The following WNK2 variants were observed in gnomAD, a reference collection of about 807,000 sequenced individuals.
WNK2 encodes serine/threonine-protein kinase WNK2.
Under a neutral mutation model 192.1 loss-of-function variants are expected in WNK2, and 67 were observed. The ratio of observed to expected loss-of-function variants is 0.35; its 90% CI spans 0.29 to 0.43. The LOEUF is 0.43. Among genes scored for constraint, WNK2 ranks in the 20% least tolerant of loss-of-function variants. The pLI, the probability that WNK2 is intolerant of heterozygous loss-of-function variation, is 1.00. For synonymous variants in WNK2, 1,439 were observed against 1,393.9 expected (o/e 1.03, Z -0.72); for missense variants, 2,698 against 3,089.7 (o/e 0.87, Z 3.01).
intron 7 of WNK2, among the ~76,000 whole-genome samples, chr9:93,241,674 T>G (rs994614236): frequency 1.3e-5 from 2 of 152,154 alleles, no homozygotes; most frequent in Non-Finnish European, 2.9e-5. Context: ...TGGAAGGTGC[T>G]TGGGCCCTTG....
Position 93,261,950 on chromosome 9 carries a change from A to G in WNK2, c.3203A>G (p.Gln1068Arg). The G allele has an allele frequency of 1.9e-6, 3 of 1,611,388 alleles. No homozygotes were observed. In the East Asian group the frequency reaches 6.7e-5, roughly 36 times the overall value. Reference sequence around the variant, plus strand: ...CCTGCCGCCCCTGAGCTCCTGCCTCAGTTCCCCAGCTCCCTGGCCACGGTG... The same window carrying G: ...CCTGCCGCCCCTGAGCTCCTGCCTCGGTTCCCCAGCTCCCTGGCCACGGTG... ...LLPAAPELLPQFPSSLATVSA... is the reference protein window; with the variant it reads ...LLPAAPELLPRFPSSLATVSA... The change falls in exon 13 of 30, where the codon CAG (glutamine) becomes CGG (arginine). Residue 1068 changes from glutamine to arginine, a missense_variant. Physicochemically the swap from Gln to Arg is conservative, Grantham distance 43. Around this residue, in one of 7 missense-constraint regions of WNK2, gnomAD observed 893 missense variants for 909.0 expected, o/e 0.98. Transcript: ENST00000427277.
At position 93,308,731 on chromosome 9, in the gene WNK2, T is replaced by C; in HGVS notation, c.6516+147T>C. 2.9e-6 allele frequency: 4 copies of C among 1,384,426 alleles called. No homozygotes were observed. In the South Asian group the frequency reaches 6.0e-5, roughly 21 times the overall value. 85.8% of individuals were successfully genotyped at this position (1,384,426 alleles called of 1,614,324 possible). ...TCATTCTCCCCACAGCCCCAAGAAC[T>C]AGGCTTGTCCACTTTACAGATTGGG... On this transcript the variant is annotated intron_variant, in intron 28 of 29. Coordinates refer to ENST00000427277, the MANE Select transcript of WNK2 (RefSeq NM_006648.4).
intron 16 of WNK2, among the ~76,000 whole-genome samples, 175 bp from the exon 17 acceptor site, chr9:93,267,571 C>T (rs868228939): frequency 6.6e-6 from 1 of 152,218 alleles, no homozygotes; most frequent in Non-Finnish European, 1.5e-5. Flanking sequence ...CTCCTCCCAT[C>T]CTGGGGCCAT....
chr9:93,262,853 A>C (rs990352577), intron 14 of WNK2, 134 bp downstream of exon 14: 1 of 964,734 alleles, frequency 1.0e-6, no homozygotes, highest in African/African-American at 1.6e-5. Context: ...GGGTTTTTCA[A>C]ACCTGACCTG....
intron 7 of WNK2, among the ~76,000 whole-genome samples, chr9:93,246,723 G>C (rs890164576): frequency 6.6e-6 from 1 of 152,200 alleles, no homozygotes; most frequent in Non-Finnish European, 1.5e-5. Flanking sequence ...CCTCTTGCAC[G>C]GGCACCTCCG....
At position 93,253,036 on chromosome 9, in the gene WNK2, C is replaced by A. The variant is rs774973233; in HGVS notation, c.1988C>A (p.Pro663Gln). 5 of 1,538,152 alleles carry A rather than the reference C, an allele frequency of 3.3e-6. No individual in the cohort carries two copies. Among genetic ancestry groups the A allele is most frequent in the Non-Finnish European group, 4.4e-6 (5 of 1,143,650 alleles). Residue 663 changes from proline (P) to glutamine (Q), a missense_variant, in exon 9 of 30, where the codon CCG becomes CAG. Around this residue, in one of 7 missense-constraint regions of WNK2, gnomAD observed 893 missense variants for 909.0 expected, o/e 0.98. Coordinates refer to ENST00000427277, the MANE Select transcript of WNK2 (RefSeq NM_006648.4). Reference protein sequence around the residue: ...SPPVSEGPVLPQSLPSLGAYQ... With the variant: ...SPPVSEGPVLQQSLPSLGAYQ... ...CCTGTGAGCGAGGGGCCCGTCCTGC[C>A]GCAGAGCCTGCCCTCGCTGGGGGCC... is the stretch of plus-strand genomic sequence containing the variant.
rs752695772 is a variant in WNK2, at chr9:93,239,685, G to A, written c.1323-72G>A. On this transcript the variant is annotated intron_variant, in intron 6 of 29. Transcript: ENST00000427277. This position sits in a 1 kb window ranked among gnomAD's most constrained non-coding sequence, Gnocchi z 4.2. ...GGTGTGCCTGTCCTTGTCCTGGTGC[G>A]CATGGACACAGGAGCCTGGGCATGG... The A allele has an allele frequency of 5.1e-6, 7 of 1,361,812 alleles. No individual in the cohort carries two copies. The highest frequency in any genetic ancestry group is 5.0e-5 in the East Asian group (2 of 39,694). 84.4% of individuals were successfully genotyped at this position (1,361,812 alleles called of 1,614,324 possible).
At chr9:93,264,987 C>T (rs995835755) in intron 16 of WNK2, among the ~76,000 whole-genome samples, 2 of 152,252 alleles carry the variant, frequency 1.3e-5, no homozygotes, top group Admixed American at 6.5e-5. Flanking sequence ...GTGAAAGCCT[C>T]ATGTGGGCTT....
At chr9:93,250,414 CAT>C (rs1382271912) in intron 8 of WNK2, among the ~76,000 whole-genome samples, 1 of 152,272 alleles carries the variant, frequency 6.6e-6, no homozygotes, top group Non-Finnish European at 1.5e-5. Flanking sequence ...CTGACATCCA[CAT>C]GTGTGCACAC....
chr9:93,257,296 G>A lies in WNK2; in HGVS notation c.2382+157G>A, dbSNP rs1843466496. On this transcript the variant is annotated intron_variant, in intron 11 of 29. Transcript: ENST00000427277. The surrounding 1 kb of genome is among the most constrained non-coding windows in gnomAD (Gnocchi z 4.7). The stretch of plus-strand genomic sequence containing the variant: ...GTTGGGGCTGGGCTGGGGAGTCCGG[G>A]CTGGGCAGTGTGCACAGTCATATGC... Among the ~76,000 whole-genome samples, 1 of 152,170 alleles carries A rather than the reference G, an allele frequency of 6.6e-6. No homozygotes were observed. The highest frequency in any genetic ancestry group is 6.5e-5 in the Admixed American group (1 of 15,282).
chr9:93,231,386 C>T (rs1838771007), intron 4 of WNK2, among the ~76,000 whole-genome samples: 1 of 152,254 alleles, frequency 6.6e-6, no homozygotes, highest in African/African-American at 2.4e-5. Context: ...TTGTCCGACT[C>T]TGGCCCCAGA....
Position 93,319,335 on chromosome 9 carries a change from T to C in WNK2, c.6629-1032T>C. The C allele has an allele frequency of 2.1e-6, 3 of 1,397,678 alleles. No homozygotes were observed. In the South Asian group the frequency reaches 4.7e-5, roughly 22 times the overall value. The allele number at this position is 1,397,678 out of a possible 1,614,324, so 86.6% of individuals were successfully genotyped here. On this transcript the variant is annotated intron_variant, in intron 29 of 29. Transcript: ENST00000427277. The stretch of plus-strand genomic sequence containing the variant: ...CTGCATCCACACCTCTGGAGGAGGG[T>C]GCTGAGGGGCTGCGGGTGCTGGGCT...
At chr9:93,197,237 T>A (rs1365528848) in intron 2 of WNK2, among the ~76,000 whole-genome samples, 1 of 152,146 alleles carries the variant, frequency 6.6e-6, no homozygotes, top group Non-Finnish European at 1.5e-5. Context: ...AGCCTGTGTC[T>A]CTTGATAGGA....
At chr9:93,236,152 G>T (rs1013984039) in intron 5 of WNK2, among the ~76,000 whole-genome samples, 1 of 152,228 alleles carries the variant, frequency 6.6e-6, no homozygotes, top group Admixed American at 6.5e-5. Flanking sequence ...GCAGGAGGAA[G>T]TGGGGCGCTC....
chr9:93,253,939 T>C (rs1970622), intron 9 of WNK2, among the ~76,000 whole-genome samples: 146,548 of 152,202 alleles, frequency 0.96, 70,604 homozygotes, highest in African/African-American at 0.99. Context: ...TTATTTGAGA[T>C]GGAGTCTTGC....
intron 26 of WNK2, among the ~76,000 whole-genome samples, chr9:93,304,513 C>T (rs1852155026): frequency 6.6e-6 from 1 of 152,264 alleles, no homozygotes; most frequent in African/African-American, 2.4e-5. Context: ...GGATGGAAGC[C>T]CCACAGGGAG....
At chr9:93,256,742 C>T (rs145798129) in intron 10 of WNK2, 2 of 682,838 alleles carry the variant, frequency 2.9e-6, no homozygotes, top group South Asian at 2.0e-5. Context: ...TGTGCCCTGG[C>T]TCCAGGCTGG....
chr9:93,288,760 A>G (rs772683575), intron 19 of WNK2, 28 bp from the exon 20 acceptor site: 1 of 1,582,586 alleles, frequency 6.3e-7, no homozygotes, highest in Non-Finnish European at 8.6e-7. Context: ...GTACCCTGGT[A>G]CAAAGGCATT....
intron 2 of WNK2, among the ~76,000 whole-genome samples, chr9:93,228,288 GA>G (rs1838158925): frequency 6.6e-6 from 1 of 152,118 alleles, no homozygotes; most frequent in African/African-American, 2.4e-5. Context: ...TTACCAAGAT[GA>G]CCCTTGTCAC....
Sources: gnomAD v4.1 joint callset for allele counts (sites outside exome capture counted in the v4.1 genomes callset) on GRCh38, gnomAD v4.1.1 for gene constraint, gnomAD v4.1.1 regional missense constraint, Gnocchi (gnomAD v3.1) non-coding constraint, MANE v1.5 for transcripts, NCBI Gene and HGNC (gene_info 2026-07-23, HGNC 2026-07-21) for gene names.